The following SCAPER variants were observed in gnomAD, a reference collection of about 807,000 sequenced individuals.
SCAPER encodes S phase cyclin A-associated protein in the endoplasmic reticulum.
SCAPER carries 98 observed loss-of-function variants against 182.2 expected under a neutral mutation model. The ratio of observed to expected loss-of-function variants is 0.54; its 90% CI spans 0.46 to 0.64. SCAPER has a LOEUF of 0.64. Among genes scored for constraint, SCAPER ranks in the 30% least tolerant of loss-of-function variants. The pLI is 0.00. For missense variants in SCAPER, 1,432 were observed against 1,690.0 expected (o/e 0.85, Z 2.68); for synonymous variants, 605 against 564.6 (o/e 1.07, Z -1.01).
intron 17 of SCAPER, among the ~76,000 whole-genome samples, chr15:76,717,564 G>A (rs1051300495): frequency 6.6e-6 from 1 of 152,116 alleles, no homozygotes; most frequent in Non-Finnish European, 1.5e-5. Flanking sequence ...TCTAGTTTTT[G>A]TATGTGCCAG....
chr15:76,691,446 G>A (rs1397435588), intron 20 of SCAPER, among the ~76,000 whole-genome samples: 1 of 151,914 alleles, frequency 6.6e-6, no homozygotes, highest in Non-Finnish European at 1.5e-5. Context: ...AATTCAAACG[G>A]TTATTTTTGA....
rs369193837 is a variant in SCAPER at position 76,681,616 on chromosome 15, C to T, written c.2509-15827G>A. The stretch of plus-strand genomic sequence containing the variant: ...ATGAAGAGGGAGGAAGCTGGAAACA[C>T]GGCATGGGGATACTGAGAACCAGGA... On this transcript the variant is annotated intron_variant, in intron 20 of 31. Transcript: ENST00000563290. 6.6e-5 allele frequency among the ~76,000 whole-genome samples: 10 copies of T among 152,214 alleles called. No homozygotes were observed. The East Asian group carries it at 1.4e-3, about 21-fold the overall frequency.
chr15:76,635,643 T>TG (rs2053528997), intron 21 of SCAPER, among the ~76,000 whole-genome samples: 1 of 152,216 alleles, frequency 6.6e-6, no homozygotes. Context: ...TTCCTGATCT[T>TG]AGGGGGAAAG....
intron 20 of SCAPER, among the ~76,000 whole-genome samples, chr15:76,680,999 C>T (rs2057671316): frequency 3.9e-5 from 6 of 152,262 alleles, no homozygotes; most frequent in Admixed American, 6.5e-5. Flanking sequence ...CTCTCAAAAA[C>T]TGGTGAGACA....
intron 29 of SCAPER, among the ~76,000 whole-genome samples, chr15:76,372,807 G>A (rs1306813190): frequency 1.3e-5 from 2 of 152,186 alleles, no homozygotes; most frequent in South Asian, 2.1e-4. Context: ...AAGCCATACA[G>A]CCATTAAAAA....
chr15:76,694,072 G>A, intron 20 of SCAPER, among the ~76,000 whole-genome samples: 1 of 144,954 alleles, frequency 6.9e-6, no homozygotes. Context: ...GGCTACTCAG[G>A]TTTTTTTTTT....
At chr15:76,827,282 A>T (rs1258657562) in intron 5 of SCAPER, among the ~76,000 whole-genome samples, 1 of 152,218 alleles carries the variant, frequency 6.6e-6, no homozygotes, top group Non-Finnish European at 1.5e-5. Flanking sequence ...GCCAGTTCCC[A>T]AATGAGACAC....
intron 28 of SCAPER, chr15:76,380,247 C>G (rs1230645665): frequency 6.6e-6 from 1 of 152,138 alleles, no homozygotes; most frequent in African/African-American, 2.4e-5. Flanking sequence ...TTATATGTGG[C>G]TGTAACCTCC....
chr15:76,691,431 A>C (rs1052968930), intron 20 of SCAPER, among the ~76,000 whole-genome samples: 2 of 152,124 alleles, frequency 1.3e-5, no homozygotes, highest in African/African-American at 2.4e-5. Flanking sequence ...AACAATCTCA[A>C]TCAAAATTCA....
chr15:76,680,810 A>G (rs1267891482), intron 20 of SCAPER, among the ~76,000 whole-genome samples: 4 of 152,052 alleles, frequency 2.6e-5, no homozygotes, highest in Non-Finnish European at 4.4e-5. Flanking sequence ...TCAATCTTAA[A>G]CCTTCCAGCT....
intron 4 of SCAPER, among the ~76,000 whole-genome samples, chr15:76,842,535 G>A (rs773425026): frequency 5.9e-5 from 9 of 152,038 alleles, no homozygotes; most frequent in South Asian, 2.1e-4. Flanking sequence ...TGAGGCCTCC[G>A]CAACCATGCT....
At chr15:76,548,115 C>T (rs1302164064) in intron 23 of SCAPER, among the ~76,000 whole-genome samples, 6 of 13,350 alleles carry the variant, frequency 4.5e-4, no homozygotes, top group South Asian at 0.014. Flanking sequence ...GCCCTTTTCC[C>T]GTTCAGAAAA....
intron 5 of SCAPER, among the ~76,000 whole-genome samples, chr15:76,808,286 A>G (rs1484612669): frequency 1.3e-5 from 2 of 152,224 alleles, no homozygotes; most frequent in African/African-American, 4.8e-5. Context: ...CAGAAGCCTC[A>G]AGGGGCTTAT....
intron 8 of SCAPER, among the ~76,000 whole-genome samples, chr15:76,785,897 G>A (rs2064559530): frequency 6.6e-6 from 1 of 151,978 alleles, no homozygotes; most frequent in South Asian, 2.1e-4. Context: ...ACTGTGGGAG[G>A]GATAGCATTA....
chr15:76,442,515 A>G (rs1051434002), intron 25 of SCAPER, among the ~76,000 whole-genome samples: 15 of 152,224 alleles, frequency 9.9e-5, no homozygotes, highest in Non-Finnish European at 1.6e-4. Context: ...TGCTGCTACC[A>G]GCATGACTTG....
intron 15 of SCAPER, among the ~76,000 whole-genome samples, chr15:76,737,164 C>T (rs929353098): frequency 6.6e-6 from 1 of 152,188 alleles, no homozygotes; most frequent in Non-Finnish European, 1.5e-5. Context: ...TTGCCCAGAT[C>T]CATCAGAGGA....
chr15:76,545,740 A>G (rs1372598131), intron 23 of SCAPER, among the ~76,000 whole-genome samples: 2 of 152,156 alleles, frequency 1.3e-5, no homozygotes, highest in Non-Finnish European at 2.9e-5. Context: ...CAGTAAGTCG[A>G]GAAGACAGAA....
chr15:76,757,394 C>T (rs2062505587), intron 14 of SCAPER, among the ~76,000 whole-genome samples: 1 of 152,036 alleles, frequency 6.6e-6, no homozygotes, highest in African/African-American at 2.4e-5. Context: ...GCTCCATCCA[C>T]GTTGTCACAA....
intron 23 of SCAPER, among the ~76,000 whole-genome samples, chr15:76,537,877 A>C (rs12903483): frequency 0.4 from 60,229 of 151,890 alleles, 14,145 homozygotes; most frequent in Middle Eastern, 0.54. Context: ...TACGAGAAAA[A>C]AAACAACCTC....
Sources: allele counts gnomAD v4.1 joint callset (sites outside exome capture counted in the v4.1 genomes callset), GRCh38; gene constraint gnomAD v4.1.1; transcripts MANE v1.5; gene names NCBI Gene and HGNC (gene_info 2026-07-23, HGNC 2026-07-21).